TGFBR3: variants seen among roughly 807,000 people sequenced by gnomAD.
TGFBR3 encodes transforming growth factor beta receptor type 3.
In TGFBR3, 46 loss-of-function variants were observed where a neutral mutation model predicts 87.9. That is an observed-to-expected ratio of 0.52 (90% CI 0.41 to 0.67). The LOEUF is 0.67. Ranked by LOEUF, TGFBR3 falls within the 30% of genes least tolerant of loss-of-function variation. The probability of loss-of-function intolerance (pLI) is 0.00; values close to 1 mark genes in which losing one functional copy is unlikely to be tolerated. For missense variants in TGFBR3, 866 were observed against 1,041.9 expected, an observed-to-expected ratio of 0.83 and a Z score of 2.32; for synonymous variants, 381 against 391.6, an observed-to-expected ratio of 0.97 and a Z score of 0.32.
intron 14 of TGFBR3, among the ~76,000 whole-genome samples, chr1:91,700,148 A>G (rs1403933868): frequency 2.0e-5 from 3 of 152,188 alleles, no homozygotes; most frequent in Admixed American, 1.3e-4. Flanking sequence ...ATGAGCCACA[A>G]ATAAAAAATA....
At chr1:91,734,132 T>C (rs1450860454) in intron 5 of TGFBR3, among the ~76,000 whole-genome samples, 1 of 151,932 alleles carries the variant, frequency 6.6e-6, no homozygotes, top group Non-Finnish European at 1.5e-5. Flanking sequence ...TTTGTTTTTG[T>C]TTTTGTTTTA....
At chr1:91,818,142 G>C (rs1676301494) in intron 2 of TGFBR3, among the ~76,000 whole-genome samples, 1 of 151,870 alleles carries the variant, frequency 6.6e-6, no homozygotes, top group Admixed American at 6.6e-5. Context: ...CAAGCAAAGA[G>C]CAGTGAGATT....
At chr1:91,856,733 T>A (rs1159411838) in intron 2 of TGFBR3, among the ~76,000 whole-genome samples, 1 of 152,238 alleles carries the variant, frequency 6.6e-6, no homozygotes, top group Non-Finnish European at 1.5e-5. Context: ...GTCCTTCTGC[T>A]CTGATGACCT....
In TGFBR3 at chr1:91,853,823, C is replaced by T. The variant is rs141199703; in HGVS notation, c.61+7648G>A. ...GGTCAGGAGTTCGAGACCAGCGTGG[C>T]CAATATGGTGAAACCCCATCTCTAC... On this transcript the variant is annotated intron_variant, in intron 2 of 16. Coordinates refer to ENST00000212355, the MANE Select transcript of TGFBR3 (RefSeq NM_003243.5). Among the ~76,000 whole-genome samples, 353 of 152,238 alleles carry T rather than the reference C, an allele frequency of 2.3e-3. 2 individuals are homozygous for T. The highest frequency in any genetic ancestry group is 0.01 in the Middle Eastern group (3 of 294).
At position 91,681,326 on chromosome 1, in the gene TGFBR3, G is replaced by T. The variant is rs763355562; in HGVS notation, c.*2413C>A. On this transcript the variant is annotated 3_prime_UTR_variant, in exon 17 of 17. Transcript: ENST00000212355. ...CTCCAATATGAGATTAGGTTTTATC[G>T]ACACAGATTTCTTGATCTGAATAAT... 3 of 444,398 alleles carry T rather than the reference G, an allele frequency of 6.8e-6. No individual in the cohort carries two copies. Among genetic ancestry groups the T allele is most frequent in the African/African-American group, 6.1e-5 (3 of 49,524 alleles). The allele number at this position is 444,398 out of a possible 1,614,324, so 27.5% of individuals were successfully genotyped here. A position where few individuals can be genotyped will look rare whatever the true frequency, so the allele number is the denominator to read the frequency against.
At chr1:91,693,739 G>C (rs759584933) in intron 16 of TGFBR3, among the ~76,000 whole-genome samples, 1 of 152,154 alleles carries the variant, frequency 6.6e-6, no homozygotes, top group Non-Finnish European at 1.5e-5. Flanking sequence ...AGTCTTCTTG[G>C]AGGACTTTCA....
chr1:91,865,594 G>A (rs1054659216), intron 1 of TGFBR3, among the ~76,000 whole-genome samples: 1 of 152,192 alleles, frequency 6.6e-6, no homozygotes, highest in Non-Finnish European at 1.5e-5. Context: ...AGAACACTTA[G>A]TATTCATCAA....
intron 3 of TGFBR3, among the ~76,000 whole-genome samples, chr1:91,775,371 T>C (rs1286210969): frequency 1.3e-5 from 2 of 152,236 alleles, no homozygotes; most frequent in African/African-American, 2.4e-5. Flanking sequence ...CCAGCCATAC[T>C]GGCCCCTCTC....
At chr1:91,685,400 G>T (rs192401742) in intron 16 of TGFBR3, among the ~76,000 whole-genome samples, 177 of 139,768 alleles carry the variant, frequency 1.3e-3, no homozygotes, top group African/African-American at 3.9e-3. Context: ...TTGGCTCACT[G>T]CAACCTCCAC....
chr1:91,751,603 A>T (rs1673543170), intron 4 of TGFBR3, among the ~76,000 whole-genome samples: 2 of 152,122 alleles, frequency 1.3e-5, no homozygotes, highest in African/African-American at 2.4e-5. Context: ...TTGGTGGCAG[A>T]GGCCCAAAAT....
At chr1:91,796,352 A>G (rs1557715097) in intron 3 of TGFBR3, among the ~76,000 whole-genome samples, 1 of 152,188 alleles carries the variant, frequency 6.6e-6, no homozygotes, top group Non-Finnish European at 1.5e-5. Flanking sequence ...TAAAATGAGT[A>G]TAATTGTAGG....
chr1:91,738,490 A>G lies in TGFBR3; in HGVS notation c.385-3531T>C, dbSNP rs567095404. On this transcript the variant is annotated intron_variant, in intron 4 of 16. Coordinates refer to ENST00000212355, the MANE Select transcript of TGFBR3 (RefSeq NM_003243.5). ...GAGTTCACGTGAGATCTGCTCATTT[A>G]AAAGTGTGTGGCACCTCCCCCGACA... 4.8e-4 allele frequency among the ~76,000 whole-genome samples: 73 copies of G among 152,216 alleles called. 1 individual carries two copies. The highest frequency in any genetic ancestry group is 1.7e-3 in the African/African-American group (70 of 41,534).
In TGFBR3 at chr1:91,712,480, T is replaced by G. The variant is rs760131822; in HGVS notation, c.1929A>C (p.Pro643=). Residue 643 remains proline (P), a synonymous_variant, in exon 13 of 17, where the codon CCA becomes CCC. Coordinates refer to ENST00000212355, the MANE Select transcript of TGFBR3 (RefSeq NM_003243.5). ...GAGACATCCTATCAGGGTTCGAATA[T>G]GGAGAGATAAAGCACGTTTGGATGG... is the stretch of plus-strand genomic sequence containing the variant. ...GFAIQTCFIS[P]YSNPDRMSHY... is the part of the protein sequence containing the mutation. 3 of 1,614,220 alleles carry G rather than the reference T, an allele frequency of 1.9e-6. No homozygotes were observed. The South Asian group carries it at 3.3e-5, about 18-fold the overall frequency.
chr1:91,826,511 T>C (rs755965526), intron 2 of TGFBR3, among the ~76,000 whole-genome samples: 3 of 152,114 alleles, frequency 2.0e-5, no homozygotes, highest in Non-Finnish European at 4.4e-5. Flanking sequence ...CAGCCAATGA[T>C]TGCAAAGAGA....
At chr1:91,769,053 C>A (rs1674282375) in intron 3 of TGFBR3, among the ~76,000 whole-genome samples, 1 of 152,152 alleles carries the variant, frequency 6.6e-6, no homozygotes, top group African/African-American at 2.4e-5. Context: ...CAGCTCTCCA[C>A]CTACCCACCC....
chr1:91,754,514 C>T (rs964153744), intron 4 of TGFBR3, among the ~76,000 whole-genome samples: 49 of 152,320 alleles, frequency 3.2e-4, no homozygotes, highest in Admixed American at 8.5e-4. Flanking sequence ...GAAAGCATCA[C>T]TCTTCATCCC....
intron 2 of TGFBR3, among the ~76,000 whole-genome samples, chr1:91,856,880 C>CTAGT (rs1400351605): frequency 6.6e-6 from 1 of 152,198 alleles, no homozygotes; most frequent in African/African-American, 2.4e-5. Flanking sequence ...AGAGAAGGAT[C>CTAGT]TAGTGGTTGA....
chr1:91,682,824 G>A lies in TGFBR3; in HGVS notation c.*915C>T. On this transcript the variant is annotated 3_prime_UTR_variant, in exon 17 of 17. Transcript: ENST00000212355. The stretch of plus-strand genomic sequence containing the variant: ...TCAACTGAGAAAATGAATGTGCCAG[G>A]TGACATATTATATACTTGTACTTGC... 2.2e-6 allele frequency: 1 copy of A among 453,766 alleles called. No homozygotes were observed. Among genetic ancestry groups the A allele is most frequent in the Non-Finnish European group, 4.4e-6 (1 of 226,624 alleles). The allele number at this position is 453,766 out of a possible 1,614,324, so 28.1% of individuals were successfully genotyped here.
chr1:91,761,834 A>T (rs1448984143), intron 3 of TGFBR3, among the ~76,000 whole-genome samples: 1 of 152,120 alleles, frequency 6.6e-6, no homozygotes, highest in Non-Finnish European at 1.5e-5. Flanking sequence ...GGTAGACTAC[A>T]GTTACAAATA....
Sources: allele counts gnomAD v4.1 joint callset (sites outside exome capture counted in the v4.1 genomes callset), GRCh38; gene constraint gnomAD v4.1.1; transcripts MANE v1.5; gene names NCBI Gene and HGNC (gene_info 2026-07-23, HGNC 2026-07-21).